The following CPQ variants were observed in gnomAD, a reference collection of about 807,000 sequenced individuals.
CPQ encodes the protein carboxypeptidase Q.
Under a neutral mutation model 45.7 loss-of-function variants are expected in CPQ, and 37 were observed. The observed-to-expected ratio is 0.81, with a 90% CI of 0.62 to 1.07. The LOEUF (loss-of-function observed/expected upper bound fraction) is 1.07, where lower values mean the gene tolerates loss of function less well. Ranked by LOEUF, CPQ falls within the 50% of genes least tolerant of loss-of-function variation. CPQ has a pLI of 0.00. For synonymous variants in CPQ, 186 were observed against 205.8 expected, an observed-to-expected ratio of 0.90 and a Z score of 0.82; for missense variants, 537 against 572.9, an observed-to-expected ratio of 0.94 and a Z score of 0.64.
chr8:96,841,506 C>T (rs1185743590), intron 3 of CPQ, among the ~76,000 whole-genome samples: 1 of 152,180 alleles, frequency 6.6e-6, no homozygotes, highest in Admixed American at 6.5e-5. Context: ...TAGTTATTTT[C>T]TCCATTGCCC....
rs191838579 is a variant in CPQ at position 96,718,597 on chromosome 8, C to T, written c.-34-66267C>T. 9.6e-4 allele frequency among the ~76,000 whole-genome samples: 146 copies of T among 152,212 alleles called. 1 individual carries two copies. The highest frequency in any genetic ancestry group is 3.5e-3 in the African/African-American group (144 of 41,540). ...AGATTTATTGCAAAGAGCGAAAGAA[C>T]AAAGCTTCCACAGCGTGGAAGGGGA... On this transcript the variant is annotated intron_variant, in intron 1 of 7. Coordinates refer to ENST00000220763, the MANE Select transcript of CPQ (RefSeq NM_016134.4).
At chr8:96,992,246 G>A (rs953786210) in intron 5 of CPQ, among the ~76,000 whole-genome samples, 3 of 152,166 alleles carry the variant, frequency 2.0e-5, no homozygotes, top group African/African-American at 7.2e-5. Flanking sequence ...TTCTGCCTGA[G>A]GATGCACTTG....
At chr8:97,122,912 TAAAATAAAATAAAATAAATA>T (rs1464482903) in intron 7 of CPQ, among the ~76,000 whole-genome samples, 10 of 64,530 alleles carry the variant, frequency 1.5e-4, no homozygotes, top group African/African-American at 9.4e-4. Context: ...TAAAATAAAA[TAAAATAAAATAAAATAAATA>T]AAATAAAATA....
intron 7 of CPQ, among the ~76,000 whole-genome samples, chr8:97,131,085 T>A (rs1811947115): frequency 6.6e-6 from 1 of 152,234 alleles, no homozygotes; most frequent in Non-Finnish European, 1.5e-5. Flanking sequence ...TAACTTTGTT[T>A]CATCTTCAAG....
At chr8:96,865,599 T>G (rs1439005041) in intron 3 of CPQ, among the ~76,000 whole-genome samples, 5 of 152,088 alleles carry the variant, frequency 3.3e-5, no homozygotes, top group African/African-American at 4.8e-5. Flanking sequence ...TTGCCTCTTA[T>G]GCTGAGCTTT....
intron 1 of CPQ, among the ~76,000 whole-genome samples, chr8:96,674,872 T>C (rs879507797): frequency 9.2e-5 from 14 of 152,126 alleles, no homozygotes; most frequent in Non-Finnish European, 1.6e-4. Context: ...AAGGACTTTT[T>C]GAAAAGAGTT....
intron 7 of CPQ, among the ~76,000 whole-genome samples, chr8:97,076,649 T>C (rs1810850626): frequency 6.6e-6 from 1 of 152,206 alleles, no homozygotes; most frequent in African/African-American, 2.4e-5. Flanking sequence ...CTATCCCTTG[T>C]ATTTCCTGTG....
At chr8:96,891,050 A>G (rs1292407799) in intron 4 of CPQ, among the ~76,000 whole-genome samples, 1 of 152,224 alleles carries the variant, frequency 6.6e-6, no homozygotes, top group Admixed American at 6.5e-5. Context: ...TCATTCCACC[A>G]TTCTATCAAT....
chr8:96,949,020 G>C lies in CPQ; in HGVS notation c.850-16915G>C, dbSNP rs183169857. 6.4e-4 allele frequency among the ~76,000 whole-genome samples: 97 copies of C among 152,054 alleles called. 2 individuals carry two copies. Among genetic ancestry groups the C allele is most frequent in the Admixed American group, 3.0e-3 (46 of 15,246 alleles). On this transcript the variant is annotated intron_variant, in intron 4 of 7. Transcript: ENST00000220763. ...TTTTCTAGCCCTTCACTTTCACCCT[G>C]TATGTCTCACTAAGTCTAAAGTGAG...
chr8:96,774,368 G>A (rs1172130264), intron 1 of CPQ, among the ~76,000 whole-genome samples: 5 of 152,250 alleles, frequency 3.3e-5, no homozygotes, highest in Middle Eastern at 3.4e-3. Flanking sequence ...AAATAGTGGG[G>A]AAACAGATGT....
chr8:96,854,848 G>C (rs1811825621), intron 3 of CPQ, among the ~76,000 whole-genome samples: 1 of 152,168 alleles, frequency 6.6e-6, no homozygotes, highest in African/African-American at 2.4e-5. Flanking sequence ...CCAAGGAAGA[G>C]TTGACGTTTT....
intron 4 of CPQ, among the ~76,000 whole-genome samples, chr8:96,910,426 A>G (rs767791316): frequency 6.6e-6 from 1 of 152,226 alleles, no homozygotes; most frequent in Non-Finnish European, 1.5e-5. Context: ...TGTGTATGAT[A>G]CTTTTTAAAT....
intron 1 of CPQ, among the ~76,000 whole-genome samples, chr8:96,731,045 C>T (rs77658997): frequency 0.042 from 6,366 of 151,744 alleles, 174 homozygotes; most frequent in Middle Eastern, 0.099. Flanking sequence ...ACCCACTCCC[C>T]GTTTCTTTCA....
At chr8:96,653,749 A>G (rs1815604409) in intron 1 of CPQ, among the ~76,000 whole-genome samples, 1 of 152,126 alleles carries the variant, frequency 6.6e-6, no homozygotes, top group Non-Finnish European at 1.5e-5. Flanking sequence ...AAAGGTCTTC[A>G]CTCTTGTCAT....
chr8:96,925,051 G>T (rs1812855297), intron 4 of CPQ, among the ~76,000 whole-genome samples: 1 of 152,138 alleles, frequency 6.6e-6, no homozygotes, highest in African/African-American at 2.4e-5. Context: ...AAATCCACTT[G>T]GGATTTATAC....
chr8:96,685,243 T>C (rs1379858994), intron 1 of CPQ, among the ~76,000 whole-genome samples: 2 of 152,226 alleles, frequency 1.3e-5, no homozygotes, highest in Non-Finnish European at 2.9e-5. Flanking sequence ...TTTCTATTTT[T>C]ATTAGTCAAA....
intron 2 of CPQ, among the ~76,000 whole-genome samples, chr8:96,834,508 C>T (rs918843333): frequency 2.6e-5 from 4 of 152,178 alleles, no homozygotes; most frequent in Admixed American, 6.5e-5. Context: ...TCTTCACACA[C>T]TGGCATCCTT....
intron 2 of CPQ, among the ~76,000 whole-genome samples, chr8:96,800,893 A>C (rs1000272897): frequency 3.9e-5 from 6 of 152,128 alleles, no homozygotes; most frequent in Non-Finnish European, 7.4e-5. Flanking sequence ...AAAAGCAAAT[A>C]GGACAAAGAG....
At chr8:96,819,367 A>G (rs527965067) in intron 2 of CPQ, among the ~76,000 whole-genome samples, 8 of 152,302 alleles carry the variant, frequency 5.3e-5, no homozygotes, top group African/African-American at 1.7e-4. Context: ...CACTCTAGGT[A>G]TATAACCATA....
Sources: gnomAD v4.1 joint callset for allele counts (sites outside exome capture counted in the v4.1 genomes callset) on GRCh38, gnomAD v4.1.1 for gene constraint, MANE v1.5 for transcripts, NCBI Gene and HGNC (gene_info 2026-07-23, HGNC 2026-07-21) for gene names.